The following IL1RAP variants were observed in gnomAD, a reference collection of about 807,000 sequenced individuals.
The protein encoded by IL1RAP is interleukin-1 receptor accessory protein.
A neutral mutation model predicts 60.7 loss-of-function variants in IL1RAP; 35 were observed. That is an observed-to-expected ratio of 0.58 (90% CI 0.44 to 0.76). The LOEUF is 0.76. Among genes scored for constraint, IL1RAP ranks in the 30% least tolerant of loss-of-function variants. IL1RAP has a pLI of 0.00. For synonymous variants in IL1RAP, 268 were observed against 250.9 expected, an observed-to-expected ratio of 1.07 and a Z score of -0.64; for missense variants, 572 against 693.9, an observed-to-expected ratio of 0.82 and a Z score of 1.97.
At chr3:190,527,221 T>C (rs1007090618) in intron 1 of IL1RAP, among the ~76,000 whole-genome samples, 4 of 152,218 alleles carry the variant, frequency 2.6e-5, no homozygotes, top group African/African-American at 9.6e-5. Flanking sequence ...GTTTAGGACC[T>C]AATATTGATC....
chr3:190,527,660 G>A lies in IL1RAP; in HGVS notation c.-89+13441G>A, dbSNP rs927977039. 2.6e-5 allele frequency among the ~76,000 whole-genome samples: 4 copies of A among 151,040 alleles called. No individual in the cohort carries two copies. The South Asian group carries it at 6.3e-4, about 24-fold the overall frequency. ...ATTACATTTGTTTGCTTCTTTGTAG[G>A]GAACCAATATGGTGCTTGTTTACAT... On this transcript the variant is annotated intron_variant, in intron 1 of 11. Coordinates refer to ENST00000447382, the MANE Select transcript of IL1RAP (RefSeq NM_002182.4).
At chr3:190,589,660 C>A (rs777521026) in intron 3 of IL1RAP, among the ~76,000 whole-genome samples, 2 of 152,076 alleles carry the variant, frequency 1.3e-5, no homozygotes, top group African/African-American at 4.8e-5. Flanking sequence ...TGTAATTTTG[C>A]GTGGAATATT....
At chr3:190,562,426 T>G (rs2108621955) in intron 2 of IL1RAP, among the ~76,000 whole-genome samples, 1 of 152,172 alleles carries the variant, frequency 6.6e-6, no homozygotes, top group East Asian at 1.9e-4. Context: ...AGTGCTAGAA[T>G]TTCTGTCTGG....
At chr3:190,579,611 A>G (rs1038568427) in intron 3 of IL1RAP, among the ~76,000 whole-genome samples, 1 of 152,116 alleles carries the variant, frequency 6.6e-6, no homozygotes, top group Non-Finnish European at 1.5e-5. Context: ...TTTTTTCTAA[A>G]GATTCCTTTT....
intron 1 of IL1RAP, chr3:190,519,000 C>T (rs1721777579): frequency 6.6e-6 from 1 of 152,188 alleles, no homozygotes; most frequent in African/African-American, 2.4e-5. Flanking sequence ...CCAATTGTCC[C>T]ACCTCTGGAC....
chr3:190,616,013 C>T (rs1731239222), intron 5 of IL1RAP, among the ~76,000 whole-genome samples: 1 of 152,032 alleles, frequency 6.6e-6, no homozygotes, highest in Non-Finnish European at 1.5e-5. Context: ...AGAGTATGTA[C>T]CATATTTTCT....
intron 1 of IL1RAP, among the ~76,000 whole-genome samples, chr3:190,553,860 AC>A (rs1291483861): frequency 6.6e-6 from 1 of 151,828 alleles, no homozygotes; most frequent in African/African-American, 2.4e-5. Context: ...GGAGATCGAG[AC>A]CATCCCGGCT....
At chr3:190,632,397 CT>C (rs1732861317) in intron 9 of IL1RAP, among the ~76,000 whole-genome samples, 1 of 152,098 alleles carries the variant, frequency 6.6e-6, no homozygotes. Context: ...GCTAATATAT[CT>C]TTTTGTGAAG....
intron 3 of IL1RAP, among the ~76,000 whole-genome samples, chr3:190,584,824 C>G (rs529599371): frequency 1.3e-5 from 2 of 152,212 alleles, no homozygotes; most frequent in East Asian, 3.9e-4. Flanking sequence ...AATCTTGCTC[C>G]CAGGCCCATC....
intron 3 of IL1RAP, among the ~76,000 whole-genome samples, chr3:190,580,182 T>C (rs11716587): frequency 0.024 from 3,664 of 152,322 alleles, 80 homozygotes; most frequent in Non-Finnish European, 0.037. Context: ...CCATTGTAAA[T>C]GTCTTTTTGA....
intron 3 of IL1RAP, among the ~76,000 whole-genome samples, chr3:190,577,296 A>T (rs943299408): frequency 1.3e-5 from 2 of 152,316 alleles, no homozygotes; most frequent in Non-Finnish European, 2.9e-5. Context: ...ACCTTTACCA[A>T]CTGTGGCAGT....
chr3:190,606,440 A>T (rs188287187), intron 4 of IL1RAP, among the ~76,000 whole-genome samples: 1 of 152,296 alleles, frequency 6.6e-6, no homozygotes, highest in East Asian at 1.9e-4. Context: ...ATAACTGTTC[A>T]TCTGTTAACA....
chr3:190,604,242 C>G lies in IL1RAP; in HGVS notation c.179C>G (p.Thr60Arg). The G allele has an allele frequency of 6.2e-7, 1 of 1,614,092 alleles. No individual in the cohort carries two copies. Among genetic ancestry groups the G allele is most frequent in the Non-Finnish European group, 8.5e-7 (1 of 1,180,006 alleles). Residue 60 changes from threonine to arginine, a missense_variant, in exon 4 of 12, where the codon ACA becomes AGA. Coordinates refer to ENST00000447382, the MANE Select transcript of IL1RAP (RefSeq NM_002182.4). ...FEHFLKFNYS[T>R]AHSAGLTLIW... ...CACTTCTTGAAATTCAACTACAGCA[C>G]AGCCCATTCAGCTGGCCTTACTCTG...
At chr3:190,640,119 A>C (rs1016786855) in intron 9 of IL1RAP, among the ~76,000 whole-genome samples, 8 of 152,246 alleles carry the variant, frequency 5.3e-5, no homozygotes, top group Non-Finnish European at 1.0e-4. Context: ...ATCTGACTCA[A>C]CAGCAGCCTT....
intron 8 of IL1RAP, among the ~76,000 whole-genome samples, chr3:190,627,957 C>T (rs544004950): frequency 2.0e-5 from 3 of 151,874 alleles, no homozygotes; most frequent in African/African-American, 7.2e-5. Context: ...CATTTTCTCT[C>T]TCCTCCTCTT....
chr3:190,615,956 A>T (rs1577733952), intron 5 of IL1RAP, among the ~76,000 whole-genome samples: 1 of 152,068 alleles, frequency 6.6e-6, no homozygotes, highest in Non-Finnish European at 1.5e-5. Flanking sequence ...TCTTTTCTTT[A>T]CCTACACTTC....
chr3:190,632,847 A>C (rs138468394), intron 9 of IL1RAP, among the ~76,000 whole-genome samples: 1 of 152,206 alleles, frequency 6.6e-6, no homozygotes, highest in East Asian at 1.9e-4. Flanking sequence ...ATATTGAAAA[A>C]TCTTTCCTTT....
At chr3:190,562,741 C>T (rs1431366107) in intron 2 of IL1RAP, among the ~76,000 whole-genome samples, 2 of 147,554 alleles carry the variant, frequency 1.4e-5, no homozygotes, top group African/African-American at 5.0e-5. Flanking sequence ...CACACATCTG[C>T]TACATAACCA....
chr3:190,650,346 GGTCACTGCTAAGCAGTA>G lies in IL1RAP; in HGVS notation c.*1643_*1659del. ...CATCTGCTGTGCACAGAGCTTCCAT[GGTCACTGCTAAGCAGTA>G]GCCAGCCATCGGGCATTAATTGATT... On this transcript the variant is annotated 3_prime_UTR_variant, in exon 12 of 12. Coordinates refer to ENST00000447382, the MANE Select transcript of IL1RAP (RefSeq NM_002182.4). The G allele has an allele frequency of 2.0e-6, 2 of 985,290 alleles. No individual in the cohort carries two copies. The highest frequency in any genetic ancestry group is 2.4e-6 in the Non-Finnish European group (2 of 829,872). 61.0% of individuals were successfully genotyped at this position (985,290 alleles called of 1,614,324 possible). A position where few individuals can be genotyped will look rare whatever the true frequency, so the allele number is the denominator to read the frequency against.
Sources: gnomAD v4.1 joint callset for allele counts (sites outside exome capture counted in the v4.1 genomes callset) on GRCh38, gnomAD v4.1.1 for gene constraint, MANE v1.5 for transcripts, NCBI Gene and HGNC (gene_info 2026-07-23, HGNC 2026-07-21) for gene names.